TRAPPC6B: variants seen among roughly 807,000 people sequenced by gnomAD.
The protein encoded by TRAPPC6B is trafficking protein particle complex subunit 6B.
A neutral mutation model predicts 24.7 loss-of-function variants in TRAPPC6B; 27 were observed. The observed-to-expected ratio is 1.09, with a 90% CI of 0.81 to 1.51. The LOEUF is 1.51. TRAPPC6B is among the 40% of genes most tolerant of loss of function. The probability of loss-of-function intolerance (pLI) is 0.00; values close to 1 mark genes in which losing one functional copy is unlikely to be tolerated. For missense variants in TRAPPC6B, 212 were observed against 190.8 expected, an observed-to-expected ratio of 1.11 and a Z score of -0.66; for synonymous variants, 80 against 66.6, an observed-to-expected ratio of 1.20 and a Z score of -0.98.
chr14:39,150,412 T>C (rs920059973), intron 5 of TRAPPC6B, 31 bp from the exon 6 acceptor site: 16 of 1,477,086 alleles, frequency 1.1e-5, no homozygotes, highest in Non-Finnish European at 1.5e-5. Flanking sequence ...AATTCTTTGA[T>C]TTTAGATACA....
In TRAPPC6B at chr14:39,154,197, A is replaced by T; in HGVS notation, c.351+14T>A. On this transcript the variant is annotated intron_variant, in intron 4 of 5. Coordinates refer to ENST00000330149, the MANE Select transcript of TRAPPC6B (RefSeq NM_001079537.2). ...ACTATTAACAAAAACCCCAACTTCT[A>T]TTCCATTAAATACCTTAGATGCATG... The T allele has an allele frequency of 1.3e-6, 2 of 1,566,376 alleles. No individual in the cohort carries two copies. Among genetic ancestry groups the T allele is most frequent in the Admixed American group, 3.4e-5 (2 of 58,996 alleles).
chr14:39,157,019 A>C (rs1156458305), intron 3 of TRAPPC6B, among the ~76,000 whole-genome samples: 3 of 151,616 alleles, frequency 2.0e-5, no homozygotes, highest in Non-Finnish European at 4.4e-5. Flanking sequence ...CTGAGGCAGA[A>C]TGGCTTGAAC....
In TRAPPC6B at chr14:39,148,392, C is replaced by G. The variant is rs2052878226; in HGVS notation, c.*1958G>C. 9.3e-6 allele frequency: 3 copies of G among 323,636 alleles called. No individual in the cohort carries two copies. The highest frequency in any genetic ancestry group is 9.9e-5 in the Admixed American group (2 of 20,156). 20.0% of individuals were successfully genotyped at this position (323,636 alleles called of 1,614,324 possible). On this transcript the variant is annotated 3_prime_UTR_variant, in exon 6 of 6. Coordinates refer to ENST00000330149, the MANE Select transcript of TRAPPC6B (RefSeq NM_001079537.2). Reference sequence around the variant, plus strand: ...CTAATCAACACTCACCCTCTCTAGGCTAGGGAAGCACCCTATTCTATAGCA... The same window carrying G: ...CTAATCAACACTCACCCTCTCTAGGGTAGGGAAGCACCCTATTCTATAGCA...
intron 1 of TRAPPC6B, among the ~76,000 whole-genome samples, chr14:39,169,353 T>C (rs715267): frequency 0.28 from 43,307 of 152,014 alleles, 7,520 homozygotes; most frequent in Non-Finnish European, 0.38. Flanking sequence ...AAGTAACCGC[T>C]ACATACTATC....
chr14:39,160,651 A>G (rs2053046136), intron 1 of TRAPPC6B, among the ~76,000 whole-genome samples: 3 of 151,530 alleles, frequency 2.0e-5, no homozygotes, highest in Admixed American at 2.0e-4. Context: ...GAAGGGAGAA[A>G]GAGAGAGAGA....
At chr14:39,168,275 G>A (rs1160196517) in intron 1 of TRAPPC6B, among the ~76,000 whole-genome samples, 1 of 151,004 alleles carries the variant, frequency 6.6e-6, no homozygotes, top group African/African-American at 2.4e-5. Flanking sequence ...GGAGAATGAA[G>A]AGAACTGAAT....
chr14:39,160,438 G>C (rs1469947929), intron 1 of TRAPPC6B, among the ~76,000 whole-genome samples: 4 of 151,964 alleles, frequency 2.6e-5, no homozygotes, highest in Non-Finnish European at 2.9e-5. Context: ...AAAATAGCTG[G>C]GCATGGTAGC....
chr14:39,159,384 T>A (rs375520438), intron 2 of TRAPPC6B, 99 bp downstream of exon 2: 5 of 786,046 alleles, frequency 6.4e-6, no homozygotes, highest in Non-Finnish European at 1.9e-6. Context: ...CATTCAGGAA[T>A]TAAAATTAAA....
intron 2 of TRAPPC6B, chr14:39,158,611 T>C (rs2053016032): frequency 2.3e-6 from 1 of 439,042 alleles, no homozygotes; most frequent in African/African-American, 2.1e-5. Flanking sequence ...TCTACCTCCC[T>C]CCCAGGCTCA....
chr14:39,155,221 A>G (rs2052962310), intron 3 of TRAPPC6B, among the ~76,000 whole-genome samples: 1 of 151,734 alleles, frequency 6.6e-6, no homozygotes, highest in Admixed American at 6.6e-5. Context: ...TGATCACCAC[A>G]CCCGACCTAA....
intron 2 of TRAPPC6B, chr14:39,159,279 A>T (rs2053025493): frequency 7.2e-6 from 2 of 276,340 alleles, no homozygotes; most frequent in Non-Finnish European, 1.3e-5. Context: ...TATAAAATAT[A>T]TATTTTCTTT....
At position 39,149,687 on chromosome 14, in the gene TRAPPC6B, A is replaced by T. The variant is rs184503745; in HGVS notation, c.*663T>A. On this transcript the variant is annotated 3_prime_UTR_variant, in exon 6 of 6. Transcript: ENST00000330149. ...GAATAAATACAAAAATTCTTTCCAA[A>T]CATACCTAATATTCTTTGGCCCTAG... 3 of 152,328 alleles carry T rather than the reference A, an allele frequency of 2.0e-5. No homozygotes were observed. The East Asian group carries it at 5.8e-4, about 29-fold the overall frequency. 9.4% of individuals were successfully genotyped at this position (152,328 alleles called of 1,614,324 possible).
chr14:39,150,451 T>C (rs1032577573), intron 5 of TRAPPC6B, 70 bp from the exon 6 acceptor site: 17 of 1,164,398 alleles, frequency 1.5e-5, no homozygotes, highest in Non-Finnish European at 1.8e-5. Flanking sequence ...ATCAATTTTC[T>C]GTTCCATATA....
Position 39,149,831 on chromosome 14 carries a change from T to C in TRAPPC6B, c.*519A>G, listed in dbSNP as rs1594531400. 6.6e-6 allele frequency: 1 copy of C among 152,270 alleles called. No homozygotes were observed. The highest frequency in any genetic ancestry group is 1.9e-4 in the East Asian group (1 of 5,208). 9.4% of individuals were successfully genotyped at this position (152,270 alleles called of 1,614,324 possible). ...TTTATAAACAATTTAGGCAGTCATA[T>C]ATGTATTTATATATACACACATACA... On this transcript the variant is annotated 3_prime_UTR_variant, in exon 6 of 6. Transcript: ENST00000330149.
At chr14:39,169,890 T>G in intron 1 of TRAPPC6B, 125 bp downstream of exon 1, 5 of 813,144 alleles carry the variant, frequency 6.1e-6, no homozygotes, top group Non-Finnish European at 1.0e-5. Context: ...CACCTGGAGG[T>G]GGACCATTTT....
At chr14:39,157,436 G>A (rs1055701880) in intron 3 of TRAPPC6B, 7 of 336,312 alleles carry the variant, frequency 2.1e-5, no homozygotes, top group African/African-American at 1.3e-4. Flanking sequence ...GCAGGCAAAG[G>A]GGATGTCCCC....
chr14:39,152,457 A>G (rs188333204), intron 4 of TRAPPC6B, among the ~76,000 whole-genome samples: 3 of 152,222 alleles, frequency 2.0e-5, no homozygotes, highest in African/African-American at 7.2e-5. Flanking sequence ...ACCAAAAGTC[A>G]TGACAAGAAC....
chr14:39,150,441 A>T lies in TRAPPC6B; in HGVS notation c.446-60T>A, dbSNP rs1206638108. The T allele has an allele frequency of 1.0e-5, 13 of 1,279,566 alleles. No homozygotes were observed. In the Admixed American group the frequency reaches 2.8e-4, roughly 28 times the overall value. The allele number at this position is 1,279,566 out of a possible 1,614,324, so 79.3% of individuals were successfully genotyped here. On this transcript the variant is annotated intron_variant, in intron 5 of 5. Transcript: ENST00000330149. ...AGATACAAAGAAAACAAGTCTAAAC[A>T]TCAATTTTCTGTTCCATATAGGAAA...
At chr14:39,154,724 C>CA (rs1478974539) in intron 3 of TRAPPC6B, among the ~76,000 whole-genome samples, 1 of 151,984 alleles carries the variant, frequency 6.6e-6, no homozygotes, top group South Asian at 2.1e-4. Flanking sequence ...CCAGCCTGGT[C>CA]AAATTTTGTT....
Sources: gnomAD v4.1 joint callset for allele counts (sites outside exome capture counted in the v4.1 genomes callset) on GRCh38, gnomAD v4.1.1 for gene constraint, MANE v1.5 for transcripts, NCBI Gene and HGNC (gene_info 2026-07-23, HGNC 2026-07-21) for gene names.